The following HDAC9 variants were observed in gnomAD, a reference collection of about 807,000 sequenced individuals.
HDAC9 encodes MEF-2 interacting transcription repressor (MITR) protein.
Under a neutral mutation model 139.4 loss-of-function variants are expected in HDAC9, and 41 were observed. The ratio of observed to expected loss-of-function variants is 0.29; its 90% CI spans 0.23 to 0.38. HDAC9 has a LOEUF of 0.38. Among genes scored for constraint, HDAC9 ranks in the 10% least tolerant of loss-of-function variants. HDAC9 has a pLI of 1.00. For synonymous variants in HDAC9, 517 were observed against 476.2 expected (o/e 1.09, Z -1.12); for missense variants, 1,147 against 1,297.0 (o/e 0.88, Z 1.78).
intron 21 of HDAC9, among the ~76,000 whole-genome samples, chr7:18,854,212 G>C (rs539439258): frequency 1.3e-5 from 2 of 152,274 alleles, no homozygotes; most frequent in South Asian, 4.1e-4. Flanking sequence ...TATTTGGCAA[G>C]CATGTCACTT....
chr7:18,931,750 A>G (rs1398982568), intron 22 of HDAC9, among the ~76,000 whole-genome samples: 1 of 152,194 alleles, frequency 6.6e-6, no homozygotes. Context: ...GGCTTTCATT[A>G]AATTCTAGTG....
intron 2 of HDAC9, among the ~76,000 whole-genome samples, chr7:18,554,327 CTTTTTTTTTT>C (rs34326798): frequency 1.0e-4 from 6 of 58,284 alleles, no homozygotes; most frequent in African/African-American, 4.4e-4. Flanking sequence ...TTACAGATCA[CTTTTTTTTTT>C]TTTTTTTTTT....
At chr7:18,748,866 T>G in intron 13 of HDAC9, 139 bp from the exon 14 acceptor site, 1 of 809,218 alleles carries the variant, frequency 1.2e-6, no homozygotes, top group Non-Finnish European at 1.9e-6. Flanking sequence ...CTCCTGAGAA[T>G]TTGCTTTGTG....
intron 1 of HDAC9, among the ~76,000 whole-genome samples, chr7:18,388,147 A>G (rs2128720519): frequency 6.6e-6 from 1 of 152,346 alleles, no homozygotes; most frequent in African/African-American, 2.4e-5. Flanking sequence ...AAAACGACGT[A>G]AATGTTATGA....
intron 16 of HDAC9, among the ~76,000 whole-genome samples, chr7:18,780,924 G>A (rs185150334): frequency 6.6e-6 from 1 of 152,066 alleles, no homozygotes; most frequent in African/African-American, 2.4e-5. Flanking sequence ...TGGCTAGCTA[G>A]GGCTGTCATA....
chr7:18,457,262 A>G (rs770182065), intron 1 of HDAC9, among the ~76,000 whole-genome samples: 3 of 152,240 alleles, frequency 2.0e-5, no homozygotes, highest in African/African-American at 4.8e-5. Flanking sequence ...CAGTATTTCA[A>G]GTGAACCACT....
intron 2 of HDAC9, among the ~76,000 whole-genome samples, chr7:18,201,673 A>G (rs1290483849): frequency 1.3e-5 from 2 of 152,240 alleles, no homozygotes; most frequent in Non-Finnish European, 2.9e-5. Flanking sequence ...CATGGAAAGC[A>G]GTGTCCTTCA....
At chr7:18,723,673 G>A (rs1341217795) in intron 12 of HDAC9, among the ~76,000 whole-genome samples, 1 of 151,842 alleles carries the variant, frequency 6.6e-6, no homozygotes, top group Non-Finnish European at 1.5e-5. Context: ...TTATCTTACA[G>A]GGTTTCAGTG....
chr7:18,895,775 T>A (rs1428149977), intron 22 of HDAC9, among the ~76,000 whole-genome samples: 1 of 152,060 alleles, frequency 6.6e-6, no homozygotes, highest in African/African-American at 2.4e-5. Flanking sequence ...ACAGTTGGAG[T>A]TCGCATTTGA....
At chr7:18,820,940 A>G (rs1794919350) in intron 17 of HDAC9, among the ~76,000 whole-genome samples, 1 of 152,192 alleles carries the variant, frequency 6.6e-6, no homozygotes, top group Non-Finnish European at 1.5e-5. Context: ...AATACCACAG[A>G]TGCAGTAATG....
intron 1 of HDAC9, among the ~76,000 whole-genome samples, chr7:18,306,686 A>G (rs560879917): frequency 4.6e-5 from 7 of 152,188 alleles, no homozygotes; most frequent in Middle Eastern, 3.4e-3. Context: ...CGATCTTTGG[A>G]TGGATATTCA....
intron 1 of HDAC9, among the ~76,000 whole-genome samples, chr7:18,406,821 TTCTC>T (rs1302738623): frequency 3.3e-5 from 5 of 152,286 alleles, no homozygotes; most frequent in African/African-American, 9.6e-5. Context: ...TTTGTTTTTT[TTCTC>T]TCTTTTTCTA....
Position 18,749,021 on chromosome 7 carries a change from C to T in HDAC9, c.1926C>T (p.Pro642=), listed in dbSNP as rs1319111243. The change falls in exon 14 of 26, where the codon CCC becomes CCT. Residue 642 remains proline (P), a synonymous_variant. Transcript: ENST00000686413. Reference sequence around the variant, plus strand: ...GTCTTAAAGGAATTGCCTATGACCCCTTGATGCTGAAACACCAGTGCGTTT... The same window carrying T: ...GTCTTAAAGGAATTGCCTATGACCCTTTGATGCTGAAACACCAGTGCGTTT... ...PGSATGIAYD[P]LMLKHQCVCG... is the part of the protein sequence containing the mutation. 6.2e-7 allele frequency: 1 copy of T among 1,613,518 alleles called. No individual in the cohort carries two copies. Among genetic ancestry groups the T allele is most frequent in the Non-Finnish European group, 8.5e-7 (1 of 1,179,684 alleles).
intron 13 of HDAC9, among the ~76,000 whole-genome samples, chr7:18,741,623 G>A (rs1787465295): frequency 6.9e-6 from 1 of 145,330 alleles, no homozygotes; most frequent in Non-Finnish European, 1.5e-5. Context: ...GCAGCCCATA[G>A]ATCAAGGAGT....
At chr7:18,687,708 C>T (rs1351668456) in intron 12 of HDAC9, among the ~76,000 whole-genome samples, 2 of 151,782 alleles carry the variant, frequency 1.3e-5, no homozygotes, top group Non-Finnish European at 2.9e-5. Context: ...CTAGGCTATC[C>T]TGACTCAAAA....
intron 22 of HDAC9, among the ~76,000 whole-genome samples, chr7:18,929,633 C>G (rs1462990935): frequency 2.0e-5 from 3 of 152,000 alleles, no homozygotes; most frequent in African/African-American, 7.2e-5. Flanking sequence ...GTTACCAAAT[C>G]TCTTTTAAAA....
chr7:18,616,553 A>G (rs1293161192), intron 6 of HDAC9, among the ~76,000 whole-genome samples: 1 of 152,216 alleles, frequency 6.6e-6, no homozygotes, highest in African/African-American at 2.4e-5. Context: ...AATATATATT[A>G]TAAAGAGAAT....
chr7:18,245,007 A>ATCTG (rs1359304204), intron 2 of HDAC9, among the ~76,000 whole-genome samples: 1 of 151,882 alleles, frequency 6.6e-6, no homozygotes, highest in Non-Finnish European at 1.5e-5. Context: ...CTATCTATCT[A>ATCTG]TCTATCTATC....
intron 2 of HDAC9, among the ~76,000 whole-genome samples, chr7:18,580,708 C>T (rs575408410): frequency 2.0e-5 from 3 of 152,252 alleles, no homozygotes; most frequent in Admixed American, 2.0e-4. Flanking sequence ...TTTGCATGTT[C>T]CCAGACAAGG....
Sources: gnomAD v4.1 joint callset for allele counts (sites outside exome capture counted in the v4.1 genomes callset) on GRCh38, gnomAD v4.1.1 for gene constraint, MANE v1.5 for transcripts, NCBI Gene and HGNC (gene_info 2026-07-23, HGNC 2026-07-21) for gene names.